MAP3K3: variants seen among roughly 807,000 people sequenced by gnomAD.
MAP3K3 encodes MAP/ERK kinase kinase 3.
Under a neutral mutation model 80.9 loss-of-function variants are expected in MAP3K3, and 12 were observed. The ratio of observed to expected loss-of-function variants is 0.15; its 90% confidence interval spans 0.10 to 0.24. MAP3K3 has a LOEUF of 0.24. MAP3K3 is among the 10% of genes least tolerant of loss of function. The pLI is 1.00. For synonymous variants in MAP3K3, 272 were observed against 307.1 expected (o/e 0.89, Z 1.19); for missense variants, 596 against 834.7 (o/e 0.71, Z 3.52).
chr17:63,680,915 G>A (rs994391274), intron 6 of MAP3K3, among the ~76,000 whole-genome samples: 4 of 151,414 alleles, frequency 2.6e-5, no homozygotes, highest in Admixed American at 2.0e-4. Flanking sequence ...AGTAACAAAT[G>A]TAAAAATACC....
chr17:63,683,616 C>T (rs1447933748), intron 7 of MAP3K3, among the ~76,000 whole-genome samples: 1 of 152,188 alleles, frequency 6.6e-6, no homozygotes, highest in East Asian at 1.9e-4. Flanking sequence ...TCCCCCAGCG[C>T]CTGCCTCTTT....
rs2035548271 is a variant in MAP3K3, at chr17:63,689,876, G to C, written c.1063+141G>C. 1 of 745,176 alleles carries C rather than the reference G, an allele frequency of 1.3e-6. No homozygotes were observed. Among genetic ancestry groups the C allele is most frequent in the Non-Finnish European group, 2.1e-6 (1 of 466,650 alleles). The allele number at this position is 745,176 out of a possible 1,614,324, so 46.2% of individuals were successfully genotyped here. On this transcript the variant is annotated intron_variant, in intron 11 of 15. Transcript: ENST00000361733. The surrounding 1 kb of genome is among the most constrained non-coding windows in gnomAD (Gnocchi z 4.3). ...AATGCACCACATGGGATAAGCCTTG[G>C]AGTGTCTGAAGCCTGGCTCCACTAT...
intron 2 of MAP3K3, among the ~76,000 whole-genome samples, chr17:63,640,837 G>A (rs2143250811): frequency 6.6e-6 from 1 of 152,280 alleles, no homozygotes; most frequent in Non-Finnish European, 1.5e-5. Flanking sequence ...ACTTGATTCT[G>A]TTCCTAGCTC....
chr17:63,660,354 C>T (rs1008517773), intron 5 of MAP3K3, among the ~76,000 whole-genome samples: 3 of 151,862 alleles, frequency 2.0e-5, no homozygotes, highest in Non-Finnish European at 4.4e-5. Flanking sequence ...CAGGCGTGTG[C>T]CCCCATGCTT....
In MAP3K3 at chr17:63,667,001, C is replaced by A; in HGVS notation, c.443C>A (p.Ala148Glu). 1 of 1,613,272 alleles carries A rather than the reference C, an allele frequency of 6.2e-7. No homozygotes were observed. Among genetic ancestry groups the A allele is most frequent in the Non-Finnish European group, 8.5e-7 (1 of 1,179,830 alleles). Residue 148 changes from alanine (A) to glutamate (E), a missense_variant, in exon 6 of 16, where the codon GCA (alanine) becomes GAA (glutamate). By Grantham distance (107) the Ala-to-Glu change is moderately radical. Around this residue, in one of 2 missense-constraint regions of MAP3K3, gnomAD observed 232 missense variants for 245.8 expected, o/e 0.94. Coordinates refer to ENST00000361733, the MANE Select transcript of MAP3K3 (RefSeq NM_002401.5). Reference protein sequence around the residue: ...RQVRIKASQSAGDINTIYQPP... With the variant: ...RQVRIKASQSEGDINTIYQPP... The stretch of plus-strand genomic sequence containing the variant: ...GTGCGGATCAAGGCTTCCCAGTCCG[C>A]AGGGGATATAAATACTATCTACCAG...
Position 63,690,058 on chromosome 17 carries a change from C to G in MAP3K3, c.1064-206C>G, listed in dbSNP as rs544186885. The G allele has an allele frequency of 2.7e-4, 166 of 614,358 alleles. 2 individuals carry two copies. The South Asian group carries it at 3.3e-3, about 12-fold the overall frequency. The allele number at this position is 614,358 out of a possible 1,614,324, so 38.1% of individuals were successfully genotyped here. ...AAGAGCATTTAACCATGACTTCAGC[C>G]AATCCTCTGCTTCTTAGGACTCTGA... On this transcript the variant is annotated intron_variant, in intron 11 of 15. Coordinates refer to ENST00000361733, the MANE Select transcript of MAP3K3 (RefSeq NM_002401.5).
intron 3 of MAP3K3, among the ~76,000 whole-genome samples, chr17:63,647,929 C>T (rs2034571978): frequency 6.6e-6 from 1 of 152,202 alleles, no homozygotes; most frequent in Non-Finnish European, 1.5e-5. Context: ...CCCACTTATC[C>T]ATGACAGGTA....
intron 1 of MAP3K3, among the ~76,000 whole-genome samples, chr17:63,632,289 G>A (rs555858105): frequency 1.3e-5 from 2 of 152,028 alleles, no homozygotes; most frequent in South Asian, 2.1e-4. Context: ...TCCAGGAGTT[G>A]GAGACCAGCC....
rs79590032 is a variant in MAP3K3 at position 63,692,632 on chromosome 17, T to C, written c.1652+213T>C. ...CCATTAGAGCTGGGAACTTAGGCCA[T>C]GGAAAACATCCCTCATGTTTGCTAA... On this transcript the variant is annotated intron_variant, in intron 15 of 15. Transcript: ENST00000361733. This position sits in a 1 kb window ranked among gnomAD's most constrained non-coding sequence, Gnocchi z 4.5. Among the ~76,000 whole-genome samples, 2,492 of 152,328 alleles carry C rather than the reference T, an allele frequency of 0.016. 60 individuals are homozygous for C. The highest frequency in any genetic ancestry group is 0.057 in the African/African-American group (2,389 of 41,556).
At chr17:63,681,712 C>T in intron 6 of MAP3K3, 54 bp from the exon 7 acceptor site, 1 of 1,357,526 alleles carries the variant, frequency 7.4e-7, no homozygotes, top group Non-Finnish European at 9.6e-7. Flanking sequence ...GCCTGCTCCT[C>T]TTGGGCCACA....
chr17:63,685,687 ACAT>A, intron 8 of MAP3K3, 97 bp downstream of exon 8: 1 of 941,206 alleles, frequency 1.1e-6, no homozygotes, highest in South Asian at 1.3e-5. Flanking sequence ...CAGGGTTAAA[ACAT>A]CATGCTTCTA....
At chr17:63,681,695 G>A in intron 6 of MAP3K3, 71 bp from the exon 7 acceptor site, 2 of 1,322,380 alleles carry the variant, frequency 1.5e-6, no homozygotes, top group Non-Finnish European at 2.0e-6. Context: ...CTAATAGTTG[G>A]CCCCATGCCT....
At position 63,692,536 on chromosome 17, in the gene MAP3K3, C is replaced by A; in HGVS notation, c.1652+117C>A. On this transcript the variant is annotated intron_variant, in intron 15 of 15. Coordinates refer to ENST00000361733, the MANE Select transcript of MAP3K3 (RefSeq NM_002401.5). The surrounding 1 kb of genome is among the most constrained non-coding windows in gnomAD (Gnocchi z 4.5). ...GGAGGGAGTGTGCCCAGGGCCCAGG[C>A]TGCAGTGTGTGCAAGGGTATTATTG... 2 of 1,093,170 alleles carry A rather than the reference C, an allele frequency of 1.8e-6. No homozygotes were observed. Among genetic ancestry groups the A allele is most frequent in the Non-Finnish European group, 2.6e-6 (2 of 777,892 alleles). 67.7% of individuals were successfully genotyped at this position (1,093,170 alleles called of 1,614,324 possible).
intron 6 of MAP3K3, 75 bp from the exon 7 acceptor site, chr17:63,681,691 G>A: frequency 2.3e-6 from 3 of 1,302,838 alleles, no homozygotes; most frequent in Non-Finnish European, 3.0e-6. Flanking sequence ...GGGCCTAATA[G>A]TTGGCCCCAT....
At chr17:63,669,035 A>G (rs1372183918) in intron 6 of MAP3K3, among the ~76,000 whole-genome samples, 1 of 152,222 alleles carries the variant, frequency 6.6e-6, no homozygotes, top group Admixed American at 6.5e-5. Flanking sequence ...TGATCACAAA[A>G]GAACTTGGTG....
At chr17:63,690,132 G>A in intron 11 of MAP3K3, 132 bp from the exon 12 acceptor site, 1 of 1,022,214 alleles carries the variant, frequency 9.8e-7, no homozygotes, top group Non-Finnish European at 1.4e-6. Context: ...GATTGTGGTG[G>A]AGATGCTCTA....
rs1444617483 is a variant in MAP3K3 at position 63,690,422 on chromosome 17, A to AC, written c.1212+13dup. ...TCCTGAGACAAGCAAGGTACACTTA[A>AC]CCCGTGGTCTGACTTCAGTTCCCTC... On this transcript the variant is annotated intron_variant, in intron 12 of 15. Coordinates refer to ENST00000361733, the MANE Select transcript of MAP3K3 (RefSeq NM_002401.5). 7 of 1,611,990 alleles carry AC rather than the reference A, an allele frequency of 4.3e-6. No homozygotes were observed. The highest frequency in any genetic ancestry group is 5.9e-6 in the Non-Finnish European group (7 of 1,178,960).
chr17:63,657,750 C>T, intron 4 of MAP3K3, 44 bp from the exon 5 acceptor site: 1 of 828,724 alleles, frequency 1.2e-6, no homozygotes, highest in East Asian at 2.6e-5. Flanking sequence ...TTGAGATAAA[C>T]TTCTGTTTTA....
At chr17:63,629,804 G>T (rs1034113896) in intron 1 of MAP3K3, among the ~76,000 whole-genome samples, 1 of 152,176 alleles carries the variant, frequency 6.6e-6, no homozygotes, top group African/African-American at 2.4e-5. Context: ...TCTCAGCTCT[G>T]GAACTACTAA....
Sources: allele counts gnomAD v4.1 joint callset (sites outside exome capture counted in the v4.1 genomes callset), GRCh38; gene constraint gnomAD v4.1.1; regional missense constraint gnomAD v4.1.1; non-coding constraint Gnocchi (gnomAD v3.1); transcripts MANE v1.5; gene names NCBI Gene and HGNC (gene_info 2026-07-23, HGNC 2026-07-21).